TMEM82: variants seen among roughly 807,000 people sequenced by gnomAD.
The protein encoded by TMEM82 is transmembrane protein 82.
A neutral mutation model predicts 29.2 loss-of-function variants in TMEM82; 30 were observed. The ratio of observed to expected loss-of-function variants is 1.03; its 90% CI spans 0.77 to 1.39. The LOEUF is 1.39. TMEM82 is among the 40% of genes most tolerant of loss of function. TMEM82 has a pLI of 0.00. For synonymous variants in TMEM82, 221 were observed against 225.4 expected (o/e 0.98, Z 0.18); for missense variants, 442 against 447.7 (o/e 0.99, Z 0.12).
rs188922866 is a variant in TMEM82, at chr1:15,744,146, G to A, written c.337-14G>A. 2.6e-5 allele frequency: 39 copies of A among 1,505,604 alleles called. No homozygotes were observed. The highest frequency in any genetic ancestry group is 6.1e-5 in the Admixed American group (3 of 49,194). The allele number at this position is 1,505,604 out of a possible 1,614,324, so 93.3% of individuals were successfully genotyped here. A position where few individuals can be genotyped will look rare whatever the true frequency, so the allele number is the denominator to read the frequency against. On this transcript the variant is annotated splice_polypyrimidine_tract_variant and intron_variant, in intron 3 of 5. Transcript: ENST00000375782. The surrounding 1 kb of genome is among the most constrained non-coding windows in gnomAD (Gnocchi z 5.2). ...AGCCCCCACATCTCGGCCCCTCTTC[G>A]GCACTCCCCGCAGGGCTCCCAGGGT...
rs575774446 is a variant in TMEM82 at position 15,743,049 on chromosome 1, G to A, written c.191G>A (p.Arg64Gln). 8.1e-6 allele frequency: 13 copies of A among 1,603,232 alleles called. No homozygotes were observed. Among genetic ancestry groups the A allele is most frequent in the Admixed American group, 1.7e-5 (1 of 58,982 alleles). ...CCGCAGCGGCGACCCGAAAAGGAGC[G>A]GCTTCGGGCCCAGTGGGCCTCCCTG... ...NDPQRRPEKE[R>Q]LRAQWASLET... The change falls in exon 3 of 6, where the codon CGG (arginine) becomes CAG (glutamine). Residue 64 changes from arginine to glutamine, a missense_variant. By Grantham distance (43) the Arg-to-Gln change is conservative. Coordinates refer to ENST00000375782, the MANE Select transcript of TMEM82 (RefSeq NM_001013641.3).
Position 15,746,893 on chromosome 1 carries a change from C to A in TMEM82, c.784C>A (p.Gln262Lys). 6.3e-7 allele frequency: 1 copy of A among 1,598,772 alleles called. No homozygotes were observed. The highest frequency in any genetic ancestry group is 1.1e-5 in the South Asian group (1 of 90,372). The stretch of plus-strand genomic sequence containing the variant: ...GGAGCAGCGGCAGCACCCCGGCCTG[C>A]AGAGCCAGGTGCAGACGGTGCTGGT... Reference protein sequence around the residue: ...QEEQRQHPGLQSQVQTVLVRM... With the variant: ...QEEQRQHPGLKSQVQTVLVRM... Residue 262 changes from glutamine (Q) to lysine (K), a missense_variant, in exon 5 of 6, where the codon CAG (glutamine) becomes AAG (lysine). Transcript: ENST00000375782.
At position 15,747,599 on chromosome 1, in the gene TMEM82, G is replaced by C. The variant is rs201273367; in HGVS notation, c.999G>C (p.Ser333=). ...PVSTPSQPLP[S]APQSQSSAPS ...CAACACCAAGCCAGCCCCTGCCCTC[G>C]GCACCCCAGTCCCAGAGTTCGGCCC... Residue 333 remains serine, a synonymous_variant, in exon 6 of 6, where the codon TCG becomes TCC. Coordinates refer to ENST00000375782, the MANE Select transcript of TMEM82 (RefSeq NM_001013641.3). 7 of 1,613,940 alleles carry C rather than the reference G, an allele frequency of 4.3e-6. No homozygotes were observed. The highest frequency in any genetic ancestry group is 2.7e-5 in the African/African-American group (2 of 74,926).
In TMEM82 at chr1:15,743,070, C is replaced by T. The variant is rs766281724; in HGVS notation, c.212C>T (p.Ser71Phe). 2 of 1,608,804 alleles carry T rather than the reference C, an allele frequency of 1.2e-6. No homozygotes were observed. Among genetic ancestry groups the T allele is most frequent in the Admixed American group, 1.7e-5 (1 of 59,436 alleles). ...EKERLRAQWASLETVHLAGLA... is the reference protein window; with the variant it reads ...EKERLRAQWAFLETVHLAGLA... ...GAGCGGCTTCGGGCCCAGTGGGCCT[C>T]CCTGGAAACGGTGCACCTGGCAGGG... is the stretch of plus-strand genomic sequence containing the variant. The change falls in exon 3 of 6, where the codon TCC becomes TTC. Residue 71 changes from serine (S) to phenylalanine (F), a missense_variant. Ser to Phe is a radical substitution (Grantham distance 155). Transcript: ENST00000375782.
Position 15,744,562 on chromosome 1 carries a change from C to G in TMEM82, c.739C>G (p.Leu247Val), listed in dbSNP as rs145513761. The G allele has an allele frequency of 3.0e-5, 48 of 1,609,828 alleles. No homozygotes were observed. The highest frequency in any genetic ancestry group is 3.7e-5 in the Non-Finnish European group (44 of 1,178,244). The change falls in exon 4 of 6, where the codon CTG (leucine) becomes GTG (valine). Residue 247 changes from leucine (L) to valine (V), a missense_variant. Physicochemically the swap from Leu to Val is conservative, Grantham distance 32. Coordinates refer to ENST00000375782, the MANE Select transcript of TMEM82 (RefSeq NM_001013641.3). This position sits in a 1 kb window ranked among gnomAD's most constrained non-coding sequence, Gnocchi z 5.2. Reference sequence around the variant, plus strand: ...ACCGCTCACCATCTGCTACACGCTGCTGGTCATCTACATGCAGGGTGAGCG... The same window carrying G: ...ACCGCTCACCATCTGCTACACGCTGGTGGTCATCTACATGCAGGGTGAGCG... ...WTPLTICYTL[L>V]VIYMQEEQRQ...
In TMEM82 at chr1:15,746,960, G is replaced by A. The variant is rs11580250; in HGVS notation, c.851G>A (p.Arg284His). The change falls in exon 5 of 6, where the codon CGC becomes CAC. Residue 284 changes from arginine to histidine, a missense_variant. By Grantham distance (29) the Arg-to-His change is conservative. Transcript: ENST00000375782. Reference protein sequence around the residue: ...GLFVLLLTVGRWLDLLGILVS... With the variant: ...GLFVLLLTVGHWLDLLGILVS... ...TTCGTGCTGCTGCTGACTGTGGGTC[G>A]CTGGCTGGACCTGCTGGGCATCCTT... 1.4e-5 allele frequency: 23 copies of A among 1,611,356 alleles called. No individual in the cohort carries two copies. Among genetic ancestry groups the A allele is most frequent in the Middle Eastern group, 1.6e-4 (1 of 6,084 alleles).
chr1:15,745,722 C>T (rs1454677341), intron 4 of TMEM82, among the ~76,000 whole-genome samples: 7 of 151,398 alleles, frequency 4.6e-5, no homozygotes, highest in African/African-American at 9.7e-5. Flanking sequence ...GTGAAACCCC[C>T]GTCTCTACTA....
chr1:15,744,273 G>A lies in TMEM82; in HGVS notation c.450G>A (p.Thr150=), dbSNP rs141529365. Residue 150 remains threonine (T), a synonymous_variant, in exon 4 of 6, where the codon ACG becomes ACA. Coordinates refer to ENST00000375782, the MANE Select transcript of TMEM82 (RefSeq NM_001013641.3). This position sits in a 1 kb window ranked among gnomAD's most constrained non-coding sequence, Gnocchi z 5.2. Reference sequence around the variant, plus strand: ...TGCAGGAGGGCGCCCCTCACCGCACGCTGAACCTGCTGCTGAGCCTCGGGC... The same window carrying A: ...TGCAGGAGGGCGCCCCTCACCGCACACTGAACCTGCTGCTGAGCCTCGGGC... The part of the protein sequence containing the change: ...SFLQEGAPHR[T]LNLLLSLGLA... 2,384 of 1,558,882 alleles carry A rather than the reference G, an allele frequency of 1.5e-3. 5 individuals are homozygous for A. The highest frequency in any genetic ancestry group is 1.5e-3 in the Non-Finnish European group (1,734 of 1,156,898).
At chr1:15,743,505 G>T (rs750622071) in intron 3 of TMEM82, among the ~76,000 whole-genome samples, 6 of 152,242 alleles carry the variant, frequency 3.9e-5, no homozygotes, top group Non-Finnish European at 8.8e-5. Context: ...CAGGGGTAAA[G>T]GTTTGCTCTG....
At position 15,746,904 on chromosome 1, in the gene TMEM82, G is replaced by A. The variant is rs141832344; in HGVS notation, c.795G>A (p.Val265=). The change falls in exon 5 of 6, where the codon GTG becomes GTA. Residue 265 remains valine, a synonymous_variant. Coordinates refer to ENST00000375782, the MANE Select transcript of TMEM82 (RefSeq NM_001013641.3). The part of the protein sequence containing the change: ...QRQHPGLQSQ[V]QTVLVRMGGL... ...AGCACCCCGGCCTGCAGAGCCAGGT[G>A]CAGACGGTGCTGGTGCGCATGGGCG... The A allele has an allele frequency of 3.7e-6, 6 of 1,603,452 alleles. No individual in the cohort carries two copies. The highest frequency in any genetic ancestry group is 5.1e-6 in the Non-Finnish European group (6 of 1,178,804).
In TMEM82 at chr1:15,746,944, C is replaced by A. The variant is rs767079868; in HGVS notation, c.835C>A (p.Leu279Met). The A allele has an allele frequency of 2.5e-6, 4 of 1,610,766 alleles. No individual in the cohort carries two copies. In the Admixed American group the frequency reaches 6.7e-5, roughly 27 times the overall value. The change falls in exon 5 of 6, where the codon CTG becomes ATG. Residue 279 changes from leucine (L) to methionine (M), a missense_variant. Physicochemically the swap from Leu to Met is conservative, Grantham distance 15. Transcript: ENST00000375782. ...GCGCATGGGCGGCCTCTTCGTGCTG[C>A]TGCTGACTGTGGGTCGCTGGCTGGA... ...LVRMGGLFVL[L>M]LTVGRWLDLL...
chr1:15,743,373 A>G (rs72883914), intron 3 of TMEM82, among the ~76,000 whole-genome samples, 179 bp downstream of exon 3: 1 of 152,216 alleles, frequency 6.6e-6, no homozygotes, highest in African/African-American at 2.4e-5. Context: ...AAGCGGCCAC[A>G]CTCACAGTGG....
chr1:15,742,569 C>G lies in TMEM82; in HGVS notation c.10C>G (p.Leu4Val), dbSNP rs1424389609. 2.5e-6 allele frequency: 4 copies of G among 1,589,270 alleles called. No homozygotes were observed. In the South Asian group the frequency reaches 3.5e-5, roughly 14 times the overall value. ...TCCTTCCGGGGCTGCCATGTTCTCT[C>G]TTCCATCCCTCCCCTCCTGGCTCCC... MFS[L>V]PSLPSWLPGL... is the part of the protein sequence containing the mutation. Residue 4 changes from leucine (L) to valine (V), a missense_variant, in exon 1 of 6, where the codon CTT (leucine) becomes GTT (valine). Physicochemically the swap from Leu to Val is conservative, Grantham distance 32 (BLOSUM62 1). Transcript: ENST00000375782.
chr1:15,743,025 C>A lies in TMEM82; in HGVS notation c.167C>A (p.Pro56Gln). The change falls in exon 3 of 6, where the codon CCG becomes CAG. Residue 56 changes from proline to glutamine, a missense_variant. Physicochemically the swap from Pro to Gln is moderately conservative, Grantham distance 76. Coordinates refer to ENST00000375782, the MANE Select transcript of TMEM82 (RefSeq NM_001013641.3). ...VYFFVGCAND[P>Q]QRRPEKERLR... ...CACCCATTCTGTCCCCAAAGTGACC[C>A]GCAGCGGCGACCCGAAAAGGAGCGG... 1 of 1,597,824 alleles carries A rather than the reference C, an allele frequency of 6.3e-7. No homozygotes were observed. The highest frequency in any genetic ancestry group is 1.7e-5 in the Admixed American group (1 of 58,704).
At position 15,744,176 on chromosome 1, in the gene TMEM82, CCGAGAGGCTG is replaced by C; in HGVS notation, c.355_364del (p.Glu119SerfsTer14). The C allele has an allele frequency of 1.3e-6, 2 of 1,567,912 alleles. No homozygotes were observed. The highest frequency in any genetic ancestry group is 1.7e-6 in the Non-Finnish European group (2 of 1,160,462). On this transcript the variant is annotated frameshift_variant, in exon 4 of 6. Coordinates refer to ENST00000375782, the MANE Select transcript of TMEM82 (RefSeq NM_001013641.3). LOFTEE classifies it high-confidence loss of function. The surrounding 1 kb of genome is among the most constrained non-coding windows in gnomAD (Gnocchi z 5.2). ...TCCCCGCAGGGCTCCCAGGGTGCCGCCGAGAGGCTGCAGCTCTACCTGCTGTGCCAGTACT... is the reference window on the plus strand; with the variant it reads ...TCCCCGCAGGGCTCCCAGGGTGCCGCCAGCTCTACCTGCTGTGCCAGTACT...
In TMEM82 at chr1:15,744,041, C is replaced by A. The variant is rs769348520; in HGVS notation, c.337-119C>A. 3 of 969,260 alleles carry A rather than the reference C, an allele frequency of 3.1e-6. No homozygotes were observed. Among genetic ancestry groups the A allele is most frequent in the Non-Finnish European group, 4.4e-6 (3 of 678,760 alleles). The allele number at this position is 969,260 out of a possible 1,614,324, so 60.0% of individuals were successfully genotyped here. A position where few individuals can be genotyped will look rare whatever the true frequency, so the allele number is the denominator to read the frequency against. On this transcript the variant is annotated intron_variant, in intron 3 of 5. Transcript: ENST00000375782. This position sits in a 1 kb window ranked among gnomAD's most constrained non-coding sequence, Gnocchi z 5.2. The stretch of plus-strand genomic sequence containing the variant: ...GATCCCCTAGGGCTTCATCTGAAGC[C>A]GATGTGGCCCCTTCGGGAACCATCC...
chr1:15,744,568 A>C lies in TMEM82; in HGVS notation c.745A>C (p.Ile249Leu), dbSNP rs1462066168. The part of the protein sequence containing the change: ...PLTICYTLLV[I>L]YMQEEQRQHP... ...CACCATCTGCTACACGCTGCTGGTC[A>C]TCTACATGCAGGGTGAGCGCTGCGG... The change falls in exon 4 of 6, where the codon ATC (isoleucine) becomes CTC (leucine). Residue 249 changes from isoleucine (I) to leucine (L), a missense_variant. Transcript: ENST00000375782. The surrounding 1 kb of genome is among the most constrained non-coding windows in gnomAD (Gnocchi z 5.2). The C allele has an allele frequency of 6.2e-7, 1 of 1,609,026 alleles. No individual in the cohort carries two copies. The highest frequency in any genetic ancestry group is 1.7e-5 in the Admixed American group (1 of 59,760).
At chr1:15,742,672 C>T in intron 1 of TMEM82, 25 bp downstream of exon 1, 1 of 1,597,438 alleles carries the variant, frequency 6.3e-7, no homozygotes, top group Non-Finnish European at 8.5e-7. Context: ...CCATTCCTGC[C>T]TTGGCCCCGC....
chr1:15,744,010 A>G lies in TMEM82; in HGVS notation c.337-150A>G. The G allele has an allele frequency of 1.5e-6, 1 of 658,414 alleles. No individual in the cohort carries two copies. Among genetic ancestry groups the G allele is most frequent in the Non-Finnish European group, 2.5e-6 (1 of 405,210 alleles). 40.8% of individuals were successfully genotyped at this position (658,414 alleles called of 1,614,324 possible). On this transcript the variant is annotated intron_variant, in intron 3 of 5. Transcript: ENST00000375782. This position sits in a 1 kb window ranked among gnomAD's most constrained non-coding sequence, Gnocchi z 5.2. ...CCCATATGATTGAAATTAAGGTGAG[A>G]GAGATGATCCCCTAGGGCTTCATCT...
Sources: allele counts gnomAD v4.1 joint callset (sites outside exome capture counted in the v4.1 genomes callset), GRCh38; gene constraint gnomAD v4.1.1; non-coding constraint Gnocchi (gnomAD v3.1); transcripts MANE v1.5; gene names NCBI Gene and HGNC (gene_info 2026-07-23, HGNC 2026-07-21).